The following KCTD2 variants were observed in gnomAD, a reference collection of about 807,000 sequenced individuals.
KCTD2 encodes the protein potassium channel tetramerization domain containing 2.
In KCTD2, 18 loss-of-function variants were observed where a neutral mutation model predicts 27.9. That is an observed-to-expected ratio of 0.64 (90% confidence interval 0.45 to 0.96). The LOEUF is 0.96. KCTD2 is among the 40% of genes least tolerant of loss of function. The pLI, the probability that KCTD2 is intolerant of heterozygous loss-of-function variation, is 0.00. For synonymous variants in KCTD2, 175 were observed against 148.4 expected (o/e 1.18, Z -1.30); for missense variants, 280 against 348.0 (o/e 0.80, Z 1.56).
chr17:75,057,131 T>G (rs1020502501), intron 3 of KCTD2, among the ~76,000 whole-genome samples: 2 of 151,910 alleles, frequency 1.3e-5, no homozygotes, highest in African/African-American at 4.8e-5. Context: ...TTTTTGTATT[T>G]TTAGTAGAGA....
At position 75,053,008 on chromosome 17, in the gene KCTD2, T is replaced by C. The variant is rs1567992020; in HGVS notation, c.449-6T>C. The C allele has an allele frequency of 1.2e-6, 2 of 1,613,328 alleles. No homozygotes were observed. Among genetic ancestry groups the C allele is most frequent in the Non-Finnish European group, 8.5e-7 (1 of 1,179,218 alleles). The stretch of plus-strand genomic sequence containing the variant: ...CTATCTGACTGCAGTTTTGTCCTTG[T>C]TCCAGGTGTGCTGGAGGAAGCGGAG... On this transcript the variant is annotated splice_polypyrimidine_tract_variant and splice_region_variant and intron_variant, in intron 2 of 5. Coordinates refer to ENST00000322444, the MANE Select transcript of KCTD2 (RefSeq NM_015353.3).
chr17:75,036,244 GACAA>G lies in KCTD2; in HGVS notation c.-259+892_-259+895del, dbSNP rs550789120. On this transcript the variant is annotated intron_variant, in intron 3 of 7. Coordinates refer to the KCTD2 transcript ENST00000581589. Reference sequence around the variant, plus strand: ...AGGGAATGGAGTTTTGTCTGCAGCAGACAAACAAGCTGGGGCTACAGGCGCCCGC... The same window carrying G: ...AGGGAATGGAGTTTTGTCTGCAGCAGACAAGCTGGGGCTACAGGCGCCCGC... Among the ~76,000 whole-genome samples the G allele has an allele frequency of 2.5e-3, 386 of 151,492 alleles. 4 individuals carry two copies. In the South Asian group the frequency reaches 0.027, roughly 11 times the overall value.
rs1182617910 is a variant in KCTD2 at position 75,047,560 on chromosome 17, C to T, written c.310C>T (p.Gln104Ter). The change falls in exon 1 of 6, where the codon CAG becomes TAG. Residue 104 changes from glutamine (Q) to a stop codon, truncating the protein, a stop_gained. Coordinates refer to ENST00000322444, the MANE Select transcript of KCTD2 (RefSeq NM_015353.3). LOFTEE classifies it high-confidence loss of function. Reference sequence around the variant, plus strand: ...GTCATTTCTCTGCCGCCTCTGCTGCCAGGAGGACCCGGAGCTGGACTCAGA... The same window carrying T: ...GTCATTTCTCTGCCGCCTCTGCTGCTAGGAGGACCCGGAGCTGGACTCAGA... ...PKSFLCRLCCQEDPELDSDKD... is the reference protein window; with the variant it reads ...PKSFLCRLCC 2.5e-6 allele frequency: 4 copies of T among 1,611,018 alleles called. No individual in the cohort carries two copies. The highest frequency in any genetic ancestry group is 3.4e-6 in the Non-Finnish European group (4 of 1,179,070).
intron 1 of KCTD2, 145 bp downstream of exon 1, chr17:75,047,734 C>A: frequency 1.4e-6 from 1 of 736,856 alleles, no homozygotes. Flanking sequence ...ACACTACTCG[C>A]AGGGGCCTCA....
At chr17:75,049,424 C>A in intron 2 of KCTD2, 96 bp downstream of exon 2, 1 of 760,368 alleles carries the variant, frequency 1.3e-6, no homozygotes, top group Non-Finnish European at 2.2e-6. Context: ...TTTCATCAGG[C>A]GCATGTGCAG....
chr17:75,054,712 C>T (rs1186801551), intron 3 of KCTD2, among the ~76,000 whole-genome samples: 2 of 151,540 alleles, frequency 1.3e-5, no homozygotes, highest in Non-Finnish European at 2.9e-5. Flanking sequence ...GAGGCTGAAG[C>T]AGGAGAATGG....
chr17:75,038,832 C>T, intron 3 of KCTD2: 1 of 1,374,480 alleles, frequency 7.3e-7, no homozygotes, highest in Middle Eastern at 2.7e-4. Flanking sequence ...GCTTAATTAT[C>T]TCAACCACAG....
chr17:75,058,338 GA>G (rs34316730), intron 3 of KCTD2, among the ~76,000 whole-genome samples: 5 of 145,532 alleles, frequency 3.4e-5, no homozygotes, highest in South Asian at 4.4e-4. Context: ...AAAAAAAAAG[GA>G]AAAAAAAATA....
intron 2 of KCTD2, among the ~76,000 whole-genome samples, chr17:75,050,914 A>G (rs891493940): frequency 6.8e-6 from 1 of 147,906 alleles, no homozygotes; most frequent in Non-Finnish European, 1.5e-5. Context: ...CTGGCCTCAC[A>G]TGCTCCTCCT....
rs140171348 is a variant in KCTD2, at chr17:75,053,051, C to G, written c.486C>G (p.Ser162=). ...AAGCGGAGTTTTACAACATCGCGTC[C>G]CTTGTGCGGCTGGTTAAGGAAAGGA... ...LEEAEFYNIA[S]LVRLVKERIR... is the part of the protein sequence containing the mutation. Residue 162 remains serine, a synonymous_variant, in exon 3 of 6, where the codon TCC becomes TCG. Coordinates refer to ENST00000322444, the MANE Select transcript of KCTD2 (RefSeq NM_015353.3). The G allele has an allele frequency of 1.9e-6, 3 of 1,614,092 alleles. No homozygotes were observed. The highest frequency in any genetic ancestry group is 2.7e-5 in the African/African-American group (2 of 74,998).
In KCTD2 at chr17:75,051,275, A is replaced by AC. The variant is rs1328556936; in HGVS notation, c.449-1737dup. On this transcript the variant is annotated intron_variant, in intron 2 of 5. Coordinates refer to ENST00000322444, the MANE Select transcript of KCTD2 (RefSeq NM_015353.3). ...TTACAGACATGAGCCACCGCGCCCG[A>AC]CCTTTTTTTTTTTTTTTTTTTTTTT... Among the ~76,000 whole-genome samples, 6 of 104,292 alleles carry AC rather than the reference A, an allele frequency of 5.8e-5. No individual in the cohort carries two copies. In the East Asian group the frequency reaches 1.9e-3, roughly 33 times the overall value. 68.4% of individuals were successfully genotyped at this position (104,292 alleles called of 152,430 possible). A position where few individuals can be genotyped will look rare whatever the true frequency, so the allele number is the denominator to read the frequency against.
Position 75,059,535 on chromosome 17 carries a change from T to G in KCTD2, c.566T>G (p.Val189Gly), listed in dbSNP as rs767082680. The G allele has an allele frequency of 6.2e-7, 1 of 1,613,876 alleles. No individual in the cohort carries two copies. The highest frequency in any genetic ancestry group is 8.5e-7 in the Non-Finnish European group (1 of 1,179,932). ...SQGPVKHVYR[V>G]LQCQEEELTQ... ...GGCCCCGTGAAGCACGTGTACAGAG[T>G]CCTGCAGTGTCAGGAAGAAGAGCTC... Residue 189 changes from valine to glycine, a missense_variant, in exon 4 of 6, where the codon GTC becomes GGC. Val to Gly is a moderately radical substitution (Grantham distance 109). Coordinates refer to ENST00000322444, the MANE Select transcript of KCTD2 (RefSeq NM_015353.3).
intron 3 of KCTD2, among the ~76,000 whole-genome samples, chr17:75,056,940 T>G (rs2073355557): frequency 7.3e-6 from 1 of 137,850 alleles, no homozygotes; most frequent in Non-Finnish European, 1.6e-5. Flanking sequence ...TGTTTCTTTT[T>G]TTTTCTTTTT....
rs10533801 is a variant in KCTD2 at position 75,062,699 on chromosome 17, A to AACACACACACACACACACACACACACAC, written c.763-301_763-274dup. Among the ~76,000 whole-genome samples, 215 of 116,062 alleles carry AACACACACACACACACACACACACACAC rather than the reference A, an allele frequency of 1.9e-3. 13 individuals carry two copies. Among genetic ancestry groups the AACACACACACACACACACACACACACAC allele is most frequent in the Middle Eastern group, 4.5e-3 (1 of 222 alleles). The allele number at this position is 116,062 out of a possible 152,430, so 76.1% of individuals were successfully genotyped here. On this transcript the variant is annotated intron_variant, in intron 5 of 5. Transcript: ENST00000322444. Reference sequence around the variant, plus strand: ...TCCACTGTGCACCCCCCTCACCCCCAACACACACACACACACACACACACA... The same window carrying AACACACACACACACACACACACACACAC: ...TCCACTGTGCACCCCCCTCACCCCCAACACACACACACACACACACACACACACACACACACACACACACACACACACA...
At chr17:75,034,697 C>G (rs1003456172) in intron 2 of KCTD2, among the ~76,000 whole-genome samples, 3 of 152,110 alleles carry the variant, frequency 2.0e-5, no homozygotes, top group African/African-American at 7.2e-5. Flanking sequence ...GGACCAGGAG[C>G]CCGCGGTGCC....
intron 3 of KCTD2, chr17:75,059,011 T>C (rs2073377652): frequency 6.6e-6 from 1 of 151,450 alleles, no homozygotes; most frequent in African/African-American, 2.4e-5. Flanking sequence ...GGCAGGAGAA[T>C]GGCGTGAACC....
chr17:75,045,535 G>C (rs1166781968), upstream of KCTD2, among the ~76,000 whole-genome samples: 1 of 152,226 alleles, frequency 6.6e-6, no homozygotes, highest in Non-Finnish European at 1.5e-5. Context: ...ACCCCTAGGT[G>C]CGCATTCTCT....
intron 4 of KCTD2, among the ~76,000 whole-genome samples, chr17:75,060,945 C>T (rs1173696042): frequency 2.6e-5 from 4 of 152,212 alleles, no homozygotes; most frequent in Non-Finnish European, 4.4e-5. Flanking sequence ...ATCCACTCTG[C>T]CTGTGTCTGT....
chr17:75,033,353 A>G (rs2040081486), intron 1 of KCTD2, among the ~76,000 whole-genome samples: 1 of 151,780 alleles, frequency 6.6e-6, no homozygotes, highest in Non-Finnish European at 1.5e-5. Flanking sequence ...TTAGGGTGAA[A>G]TATCTACTTG....
Sources: allele counts gnomAD v4.1 joint callset (sites outside exome capture counted in the v4.1 genomes callset), GRCh38; gene constraint gnomAD v4.1.1; transcripts MANE v1.5; gene names NCBI Gene and HGNC (gene_info 2026-07-23, HGNC 2026-07-21).